The following SLC25A16 variants were observed in gnomAD, a reference collection of about 807,000 sequenced individuals.
SLC25A16 encodes the protein mitochondrial coenzyme A transporter SLC25A16.
Under a neutral mutation model 41.5 loss-of-function variants are expected in SLC25A16, and 39 were observed. That is an observed-to-expected ratio of 0.94 (90% CI 0.73 to 1.23). The LOEUF is 1.23. Among genes scored for constraint, SLC25A16 ranks in the 50% most tolerant of loss-of-function variants. The pLI is 0.00. For missense variants in SLC25A16, 421 were observed against 426.9 expected (o/e 0.99, Z 0.12); for synonymous variants, 146 against 147.8 (o/e 0.99, Z 0.09).
chr10:68,502,353 A>G (rs1004502602), intron 4 of SLC25A16, among the ~76,000 whole-genome samples: 13 of 152,208 alleles, frequency 8.5e-5, no homozygotes, highest in African/African-American at 3.1e-4. Context: ...TCTATAGGGA[A>G]AAAAATCTTG....
At position 68,488,629 on chromosome 10, in the gene SLC25A16, C is replaced by T; in HGVS notation, c.611G>A (p.Gly204Asp). The T allele has an allele frequency of 6.2e-7, 1 of 1,611,354 alleles. No homozygotes were observed. Among genetic ancestry groups the T allele is most frequent in the Non-Finnish European group, 8.5e-7 (1 of 1,178,826 alleles). Residue 204 changes from glycine to aspartate, a missense_variant and splice_region_variant, in exon 7 of 9, where the codon GGT (glycine) becomes GAT (aspartate). By Grantham distance (94) the Gly-to-Asp change is moderately conservative (BLOSUM62 -1). Transcript: ENST00000609923. ...PTILGMAPYAGVSFFTFGTLK... is the reference protein window; with the variant it reads ...PTILGMAPYADVSFFTFGTLK... ...GGTACCAAAAGTAAAAAATGAAACACCTGAAAAACAAAAAATAAATTCACC... is the reference window on the plus strand; with the variant it reads ...GGTACCAAAAGTAAAAAATGAAACATCTGAAAAACAAAAAATAAATTCACC...
intron 4 of SLC25A16, among the ~76,000 whole-genome samples, chr10:68,499,356 C>G (rs1005375365): frequency 2.6e-5 from 4 of 152,340 alleles, no homozygotes; most frequent in African/African-American, 7.2e-5. Context: ...GGTTCTAACA[C>G]TTTCCTTCTT....
intron 6 of SLC25A16, among the ~76,000 whole-genome samples, chr10:68,490,710 A>G (rs1188424378): frequency 6.6e-6 from 1 of 152,032 alleles, no homozygotes; most frequent in Admixed American, 6.6e-5. Flanking sequence ...CTTCCTTAAC[A>G]AAGAAAACAA....
chr10:68,504,686 T>C (rs77421093), intron 3 of SLC25A16, among the ~76,000 whole-genome samples: 7,585 of 151,712 alleles, frequency 0.05, 545 homozygotes, highest in South Asian at 0.18. Flanking sequence ...CCTTGTTTTT[T>C]GTTTTTTGTT....
At chr10:68,500,248 C>CAT (rs1484124515) in intron 4 of SLC25A16, among the ~76,000 whole-genome samples, 1 of 152,178 alleles carries the variant, frequency 6.6e-6, no homozygotes, top group Non-Finnish European at 1.5e-5. Context: ...AGATACCAGA[C>CAT]ATAAATTAAT....
intron 1 of SLC25A16, among the ~76,000 whole-genome samples, chr10:68,526,584 G>C (rs141764437): frequency 6.6e-6 from 1 of 151,784 alleles, no homozygotes; most frequent in East Asian, 1.9e-4. Flanking sequence ...TAAGTCTCTC[G>C]TTCCACCTTA....
At position 68,488,097 on chromosome 10, in the gene SLC25A16, G is replaced by A. The variant is rs1023038212; in HGVS notation, c.773+370C>T. Reference sequence around the variant, plus strand: ...AATCTCTTGACCTTGTGATCCACCCGCCTAAGCCTCCCAAACTGCTGGGAT... The same window carrying A: ...AATCTCTTGACCTTGTGATCCACCCACCTAAGCCTCCCAAACTGCTGGGAT... On this transcript the variant is annotated intron_variant, in intron 7 of 8. Coordinates refer to ENST00000609923, the MANE Select transcript of SLC25A16 (RefSeq NM_152707.4). Among the ~76,000 whole-genome samples the A allele has an allele frequency of 7.2e-5, 11 of 152,150 alleles. No homozygotes were observed. The South Asian group carries it at 8.3e-4, about 11-fold the overall frequency.
chr10:68,527,406 T>C lies in SLC25A16; in HGVS notation c.-31A>G. The C allele has an allele frequency of 6.9e-7, 1 of 1,447,966 alleles. No individual in the cohort carries two copies. 89.7% of individuals were successfully genotyped at this position (1,447,966 alleles called of 1,614,324 possible). A position where few individuals can be genotyped will look rare whatever the true frequency, so the allele number is the denominator to read the frequency against. On this transcript the variant is annotated 5_prime_UTR_variant, in exon 1 of 9. Coordinates refer to ENST00000609923, the MANE Select transcript of SLC25A16 (RefSeq NM_152707.4). Reference sequence around the variant, plus strand: ...CCAGGGTCGCGTCAGGAGCCTAGGTTGCCAACTTACAGAACACCGGACGGG... The same window carrying C: ...CCAGGGTCGCGTCAGGAGCCTAGGTCGCCAACTTACAGAACACCGGACGGG...
rs2052501225 is a variant in SLC25A16, at chr10:68,482,903, A to G, written c.*529T>C. 1 of 152,234 alleles carries G rather than the reference A, an allele frequency of 6.6e-6. No individual in the cohort carries two copies. Among genetic ancestry groups the G allele is most frequent in the South Asian group, 2.1e-4 (1 of 4,838 alleles). The allele number at this position is 152,234 out of a possible 1,614,324, so 9.4% of individuals were successfully genotyped here. On this transcript the variant is annotated 3_prime_UTR_variant, in exon 9 of 9. Transcript: ENST00000609923. ...ATACAACATTAATTTTATTTAAAAAATGAAGGAAAGAAGTGTTTTTCCTAT... is the reference window on the plus strand; with the variant it reads ...ATACAACATTAATTTTATTTAAAAAGTGAAGGAAAGAAGTGTTTTTCCTAT...
At chr10:68,519,601 G>A (rs765458988) in intron 1 of SLC25A16, among the ~76,000 whole-genome samples, 17 of 151,696 alleles carry the variant, frequency 1.1e-4, no homozygotes, top group Non-Finnish European at 2.2e-4. Context: ...CTTCTCAGTT[G>A]TGTATGAATT....
intron 3 of SLC25A16, among the ~76,000 whole-genome samples, chr10:68,504,499 G>A (rs1441517153): frequency 6.6e-6 from 1 of 150,672 alleles, no homozygotes; most frequent in African/African-American, 2.4e-5. Flanking sequence ...GCAGTGGTGC[G>A]ATCTCGGCTC....
chr10:68,501,554 TGAGGGGAGGGGAGAG>T (rs1250316024), intron 4 of SLC25A16, among the ~76,000 whole-genome samples: 4 of 104,726 alleles, frequency 3.8e-5, no homozygotes, highest in Non-Finnish European at 5.6e-5. Context: ...GAGGAGAGAA[TGAGGGGAGGGGAGAG>T]GAGGGGAGGG....
chr10:68,499,197 C>G (rs2052799621), intron 4 of SLC25A16, among the ~76,000 whole-genome samples: 1 of 152,114 alleles, frequency 6.6e-6, no homozygotes, highest in African/African-American at 2.4e-5. Flanking sequence ...TTTGGGTGAT[C>G]TGCCCATGGT....
chr10:68,498,531 CA>C lies in SLC25A16; in HGVS notation c.422-4962del, dbSNP rs542251080. 4.0e-3 allele frequency among the ~76,000 whole-genome samples: 600 copies of C among 150,360 alleles called. 8 individuals carry two copies. The highest frequency in any genetic ancestry group is 0.014 in the African/African-American group (579 of 41,084). On this transcript the variant is annotated intron_variant, in intron 4 of 8. Transcript: ENST00000609923. ...ATAACTTCTCATTTTTCTGTCTCTA[CA>C]AAAAAAAATTAAAATTAGCCAGGCG...
chr10:68,485,077 A>G lies in SLC25A16; in HGVS notation c.843-1489T>C, dbSNP rs151058289. Among the ~76,000 whole-genome samples the G allele has an allele frequency of 3.2e-4, 48 of 152,230 alleles. No homozygotes were observed. The East Asian group carries it at 5.2e-3, about 17-fold the overall frequency. ...AACAAAAAATATTTTTAACAATTAT[A>G]TATATATTTTTTCTTCTTTTTCTTT... On this transcript the variant is annotated intron_variant, in intron 8 of 8. Transcript: ENST00000609923.
At chr10:68,494,379 T>G (rs1052994028) in intron 4 of SLC25A16, among the ~76,000 whole-genome samples, 2 of 141,104 alleles carry the variant, frequency 1.4e-5, no homozygotes, top group African/African-American at 4.9e-5. Flanking sequence ...GGAGAATCAC[T>G]TGAACCCAGG....
At chr10:68,509,325 G>GA (rs2133564647) in intron 2 of SLC25A16, among the ~76,000 whole-genome samples, 1 of 149,766 alleles carries the variant, frequency 6.7e-6, no homozygotes, top group Admixed American at 6.7e-5. Flanking sequence ...CAACAAGAGT[G>GA]AAACTCTGTC....
At chr10:68,507,956 C>T (rs767083531) in intron 2 of SLC25A16, among the ~76,000 whole-genome samples, 2 of 152,174 alleles carry the variant, frequency 1.3e-5, no homozygotes, top group African/African-American at 4.8e-5. Flanking sequence ...TCTGGCCTTG[C>T]GTGGTGGCTC....
chr10:68,493,543 G>GT lies in SLC25A16; in HGVS notation c.448_449insA (p.Pro150HisfsTer3). 6.2e-7 allele frequency: 1 copy of GT among 1,613,056 alleles called. No homozygotes were observed. The highest frequency in any genetic ancestry group is 8.5e-7 in the Non-Finnish European group (1 of 1,179,186). ...TAGGCGGACCCTAACCATGTCAAGA[G>GT]GGTAAGTACAGATAACTGCTGTCAT... On this transcript the variant is annotated frameshift_variant, in exon 5 of 9. Coordinates refer to ENST00000609923, the MANE Select transcript of SLC25A16 (RefSeq NM_152707.4). LOFTEE classifies it high-confidence loss of function.
Sources: allele counts gnomAD v4.1 joint callset (sites outside exome capture counted in the v4.1 genomes callset), GRCh38; gene constraint gnomAD v4.1.1; transcripts MANE v1.5; gene names NCBI Gene and HGNC (gene_info 2026-07-23, HGNC 2026-07-21).